ST7: variants seen among roughly 807,000 people sequenced by gnomAD.
ST7 encodes the protein suppressor of tumorigenicity 7 protein.
In ST7, 28 loss-of-function variants were observed where a neutral mutation model predicts 78.7. That is an observed-to-expected ratio of 0.36 (90% CI 0.26 to 0.49). The LOEUF is 0.49. Among genes scored for constraint, ST7 ranks in the 20% least tolerant of loss-of-function variants. The probability of loss-of-function intolerance (pLI) is 0.99; values close to 1 mark genes in which losing one functional copy is unlikely to be tolerated. For synonymous variants in ST7, 247 were observed against 249.6 expected (o/e 0.99, Z 0.10); for missense variants, 418 against 696.0 (o/e 0.60, Z 4.49).
At chr7:116,978,568 T>TTCTATCTATCTATCTATCTA (rs201403117) in intron 1 of ST7, among the ~76,000 whole-genome samples, 10 of 152,018 alleles carry the variant, frequency 6.6e-5, no homozygotes, top group African/African-American at 2.4e-4. Flanking sequence ...ATATCATACA[T>TTCTATCTATCTATCTATCTA]TCTATCTATC....
At chr7:117,171,007 C>T (rs768265931) in intron 10 of ST7, 31 bp downstream of exon 10, 9 of 1,422,488 alleles carry the variant, frequency 6.3e-6, no homozygotes, top group Non-Finnish European at 6.9e-6. Flanking sequence ...ATTTACTTGA[C>T]TATTCCTCTT....
chr7:117,045,286 A>T lies in ST7; in HGVS notation c.152-54476A>T, dbSNP rs1449490711. On this transcript the variant is annotated intron_variant, in intron 1 of 15. Coordinates refer to ENST00000323984, the MANE Select transcript of ST7 (RefSeq NM_001369598.1). ...CCAGTAGTTTTCCATCACCCTCAGAATTAGAGCCCTAGCAGATCTGGCCAT... is the reference window on the plus strand; with the variant it reads ...CCAGTAGTTTTCCATCACCCTCAGATTTAGAGCCCTAGCAGATCTGGCCAT... Among the ~76,000 whole-genome samples, 3 of 152,036 alleles carry T rather than the reference A, an allele frequency of 2.0e-5. No individual in the cohort carries two copies. The South Asian group carries it at 6.2e-4, about 32-fold the overall frequency.
At chr7:117,070,634 G>A (rs977597220) in intron 1 of ST7, among the ~76,000 whole-genome samples, 1 of 151,942 alleles carries the variant, frequency 6.6e-6, no homozygotes. Flanking sequence ...TCCGCCTCTC[G>A]GGTTCACGCC....
chr7:116,958,133 C>T (rs1430953754), intron 1 of ST7, among the ~76,000 whole-genome samples: 1 of 150,028 alleles, frequency 6.7e-6, no homozygotes, highest in Non-Finnish European at 1.5e-5. Context: ...GTAGCTGAGA[C>T]TACAGGTGCA....
intron 5 of ST7, among the ~76,000 whole-genome samples, chr7:117,131,517 T>A (rs760847712): frequency 2.0e-5 from 3 of 151,864 alleles, no homozygotes. Context: ...AAATGACCAA[T>A]TATGTTGTAT....
intron 1 of ST7, among the ~76,000 whole-genome samples, chr7:117,057,281 T>C (rs1164544017): frequency 6.6e-6 from 1 of 152,198 alleles, no homozygotes; most frequent in Non-Finnish European, 1.5e-5. Context: ...TGACTTTCTT[T>C]TGCCAGCATC....
chr7:117,087,300 AT>A (rs1800227295), intron 1 of ST7, among the ~76,000 whole-genome samples: 2 of 152,210 alleles, frequency 1.3e-5, no homozygotes, highest in Admixed American at 6.5e-5. Flanking sequence ...AGAATAGAAA[AT>A]AGATTTATTT....
intron 2 of ST7, among the ~76,000 whole-genome samples, chr7:117,111,388 G>T (rs1397224730): frequency 6.6e-6 from 1 of 152,162 alleles, no homozygotes; most frequent in Non-Finnish European, 1.5e-5. Flanking sequence ...GGATTTCTAT[G>T]CTGGAGACTA....
chr7:117,123,474 T>C (rs1402661525), intron 3 of ST7, among the ~76,000 whole-genome samples: 2 of 152,152 alleles, frequency 1.3e-5, no homozygotes, highest in Non-Finnish European at 2.9e-5. Context: ...AGTGGAGAAA[T>C]GTAGTTAATT....
intron 15 of ST7, among the ~76,000 whole-genome samples, chr7:117,225,035 G>A (rs181920236): frequency 4.6e-5 from 7 of 152,312 alleles, no homozygotes; most frequent in East Asian, 3.9e-4. Flanking sequence ...CTGGTGATGC[G>A]GATGTACAAC....
chr7:117,218,775 C>T (rs987068915), intron 13 of ST7, among the ~76,000 whole-genome samples: 5 of 152,178 alleles, frequency 3.3e-5, no homozygotes, highest in Non-Finnish European at 5.9e-5. Context: ...GTGCCCATAA[C>T]ATTTTAATAA....
rs1563026879 is a variant in ST7 at position 117,031,822 on chromosome 7, C to CATATATGTGTG, written c.152-67940_152-67939insATATATGTGTG. 5.0e-4 allele frequency among the ~76,000 whole-genome samples: 2 copies of CATATATGTGTG among 4,036 alleles called. 1 individual carries two copies. The highest frequency in any genetic ancestry group is 5.0e-3 in the East Asian group (2 of 400). The allele number at this position is 4,036 out of a possible 152,430, so 2.6% of individuals were successfully genotyped here. A position where few individuals can be genotyped will look rare whatever the true frequency, so the allele number is the denominator to read the frequency against. On this transcript the variant is annotated intron_variant, in intron 1 of 15. Transcript: ENST00000323984. ...TATGTGTGTATATATATGCATATATCTATATCTATATCTATATCTATATCT... is the reference window on the plus strand; with the variant it reads ...TATGTGTGTATATATATGCATATATCATATATGTGTGTATATCTATATCTATATCTATATCT...
At chr7:117,052,900 C>CA (rs974985903) in intron 1 of ST7, among the ~76,000 whole-genome samples, 10 of 152,018 alleles carry the variant, frequency 6.6e-5, no homozygotes, top group Admixed American at 1.3e-4. Flanking sequence ...TCTCAAAAAA[C>CA]AAAAAAACAA....
At chr7:117,098,706 G>C in intron 1 of ST7, 2 of 1,147,568 alleles carry the variant, frequency 1.7e-6, no homozygotes, top group Non-Finnish European at 2.3e-6. Flanking sequence ...AGATGCCAAA[G>C]CCTTTCCCTC....
chr7:117,114,921 G>A lies in ST7; in HGVS notation c.235-4640G>A, dbSNP rs116669466. Among the ~76,000 whole-genome samples the A allele has an allele frequency of 5.5e-3, 831 of 152,284 alleles. 4 individuals carry two copies. The highest frequency in any genetic ancestry group is 0.015 in the African/African-American group (620 of 41,558). On this transcript the variant is annotated intron_variant, in intron 2 of 15. Coordinates refer to ENST00000323984, the MANE Select transcript of ST7 (RefSeq NM_001369598.1). ...GACAAGTTTGAAGCTTAGGCCAGCT[G>A]GAAACCTGGGTCTCTGCCCCCAGCT...
chr7:117,137,663 A>G (rs1804901908), intron 8 of ST7, among the ~76,000 whole-genome samples: 1 of 152,186 alleles, frequency 6.6e-6, no homozygotes, highest in African/African-American at 2.4e-5. Flanking sequence ...GCTGCATATT[A>G]TACATGTACT....
At chr7:117,024,871 A>G (rs1323214437) in intron 1 of ST7, among the ~76,000 whole-genome samples, 1 of 152,182 alleles carries the variant, frequency 6.6e-6, no homozygotes, top group African/African-American at 2.4e-5. Context: ...TTGATACCCC[A>G]TGTGATTTGT....
intron 1 of ST7, among the ~76,000 whole-genome samples, chr7:116,963,314 A>G (rs911995244): frequency 6.6e-6 from 1 of 152,220 alleles, no homozygotes; most frequent in African/African-American, 2.4e-5. Context: ...GAGAACTTGT[A>G]ATGAAACTCA....
intron 2 of ST7, chr7:117,118,389 A>G (rs1803070438): frequency 6.6e-6 from 1 of 152,232 alleles, no homozygotes; most frequent in African/African-American, 2.4e-5. Context: ...AGGATTGGAA[A>G]CATTTCGTTT....
Sources: gnomAD v4.1 joint callset for allele counts (sites outside exome capture counted in the v4.1 genomes callset) on GRCh38, gnomAD v4.1.1 for gene constraint, MANE v1.5 for transcripts, NCBI Gene and HGNC (gene_info 2026-07-23, HGNC 2026-07-21) for gene names.